KITLG: variants seen among roughly 807,000 people sequenced by gnomAD.
The protein encoded by KITLG is KIT ligand.
A neutral mutation model predicts 34.1 loss-of-function variants in KITLG; 13 were observed. The ratio of observed to expected loss-of-function variants is 0.38; its 90% confidence interval spans 0.25 to 0.61. The LOEUF (loss-of-function observed/expected upper bound fraction) is 0.61. KITLG is among the 20% of genes least tolerant of loss of function. The pLI, the probability that KITLG is intolerant of heterozygous loss-of-function variation, is 0.60. For synonymous variants in KITLG, 110 were observed against 104.0 expected (o/e 1.06, Z -0.35); for missense variants, 292 against 318.9 (o/e 0.92, Z 0.64).
At chr12:88,517,219 A>G (rs1869491789) in intron 4 of KITLG, among the ~76,000 whole-genome samples, 1 of 152,006 alleles carries the variant, frequency 6.6e-6, no homozygotes, top group Admixed American at 6.6e-5. Context: ...ACATCTTCTA[A>G]ACCTAAAGCT....
intron 3 of KITLG, among the ~76,000 whole-genome samples, chr12:88,525,977 T>C (rs1869848337): frequency 1.3e-5 from 2 of 152,146 alleles, no homozygotes. Flanking sequence ...CATGATTCTA[T>C]GGGTAGAATT....
chr12:88,563,533 C>T (rs1262150673), intron 1 of KITLG, among the ~76,000 whole-genome samples: 1 of 152,212 alleles, frequency 6.6e-6, no homozygotes, highest in Non-Finnish European at 1.5e-5. Context: ...TGCATCATCA[C>T]ATTTTCATGC....
chr12:88,502,766 C>A (rs972260822), intron 9 of KITLG, among the ~76,000 whole-genome samples: 11 of 152,120 alleles, frequency 7.2e-5, no homozygotes, highest in Non-Finnish European at 1.3e-4. Flanking sequence ...AAACAGGATC[C>A]CAGCAATGCA....
In KITLG at chr12:88,494,374, G is replaced by A. The variant is rs1868529661; in HGVS notation, c.*2845C>T. ...TATAACTTTAGTTGAATTAGAGTAG[G>A]AAAACGTGCCCCAAAGTTTCTCCAA... On this transcript the variant is annotated 3_prime_UTR_variant, in exon 10 of 10. Coordinates refer to ENST00000644744, the MANE Select transcript of KITLG (RefSeq NM_000899.5). 1 of 152,124 alleles carries A rather than the reference G, an allele frequency of 6.6e-6. No homozygotes were observed. Among genetic ancestry groups the A allele is most frequent in the South Asian group, 2.1e-4 (1 of 4,822 alleles). The allele number at this position is 152,124 out of a possible 1,614,324, so 9.4% of individuals were successfully genotyped here. A position where few individuals can be genotyped will look rare whatever the true frequency, so the allele number is the denominator to read the frequency against.
At chr12:88,514,714 A>T (rs1162863406) in intron 6 of KITLG, among the ~76,000 whole-genome samples, 1 of 151,642 alleles carries the variant, frequency 6.6e-6, no homozygotes, top group Non-Finnish European at 1.5e-5. Flanking sequence ...GAGTTTTTTT[A>T]AATGTTCTGC....
chr12:88,517,670 T>C, intron 4 of KITLG, among the ~76,000 whole-genome samples: 1 of 152,156 alleles, frequency 6.6e-6, no homozygotes, highest in East Asian at 1.9e-4. Flanking sequence ...GCACACTATA[T>C]GCAGTAGTAA....
chr12:88,542,885 T>C (rs1301648672), intron 2 of KITLG, among the ~76,000 whole-genome samples: 1 of 152,138 alleles, frequency 6.6e-6, no homozygotes, highest in African/African-American at 2.4e-5. Context: ...TTTGTATTAA[T>C]CTGGCATCCT....
intron 1 of KITLG, among the ~76,000 whole-genome samples, chr12:88,564,824 G>A (rs1024837151): frequency 3.9e-5 from 6 of 151,924 alleles, no homozygotes; most frequent in Non-Finnish European, 8.8e-5. Flanking sequence ...GCATCAAAGA[G>A]TATCCCCAAA....
chr12:88,562,225 A>C (rs2120957517), intron 1 of KITLG, among the ~76,000 whole-genome samples: 1 of 152,306 alleles, frequency 6.6e-6, no homozygotes, highest in Admixed American at 6.5e-5. Flanking sequence ...TCCTTCAATA[A>C]AATTCTCTTT....
chr12:88,519,256 G>A (rs986697047), intron 3 of KITLG, among the ~76,000 whole-genome samples: 2 of 152,144 alleles, frequency 1.3e-5, no homozygotes, highest in African/African-American at 4.8e-5. Context: ...GTGACAGGAG[G>A]AGGAGGGACT....
chr12:88,551,706 A>G (rs1178651770), intron 1 of KITLG, among the ~76,000 whole-genome samples: 1 of 149,636 alleles, frequency 6.7e-6, no homozygotes, highest in Non-Finnish European at 1.5e-5. Flanking sequence ...GATGATGAAC[A>G]CAACATGTGT....
chr12:88,551,533 C>A (rs924042609), intron 1 of KITLG, among the ~76,000 whole-genome samples: 1 of 152,174 alleles, frequency 6.6e-6, no homozygotes, highest in Non-Finnish European at 1.5e-5. Context: ...TTCCCTTCTC[C>A]AAGTGGTTCC....
Position 88,495,335 on chromosome 12 carries a change from T to G in KITLG, c.*1884A>C, listed in dbSNP as rs1868595202. Reference sequence around the variant, plus strand: ...CCTACACGCATAACTCATATTAATCTGTATCTATTTTCCTGAAAACAGTCA... The same window carrying G: ...CCTACACGCATAACTCATATTAATCGGTATCTATTTTCCTGAAAACAGTCA... On this transcript the variant is annotated 3_prime_UTR_variant, in exon 10 of 10. Transcript: ENST00000644744. The G allele has an allele frequency of 6.6e-6, 1 of 152,086 alleles. No homozygotes were observed. Among genetic ancestry groups the G allele is most frequent in the Non-Finnish European group, 1.5e-5 (1 of 67,966 alleles). 9.4% of individuals were successfully genotyped at this position (152,086 alleles called of 1,614,324 possible). A position where few individuals can be genotyped will look rare whatever the true frequency, so the allele number is the denominator to read the frequency against.
intron 2 of KITLG, among the ~76,000 whole-genome samples, chr12:88,543,705 A>G (rs1870603014): frequency 6.6e-6 from 1 of 152,174 alleles, no homozygotes; most frequent in African/African-American, 2.4e-5. Flanking sequence ...ATCACCATTA[A>G]AATTCCCAGA....
intron 4 of KITLG, 71 bp from the exon 5 acceptor site, chr12:88,516,561 T>C (rs1485115604): frequency 1.0e-6 from 1 of 957,228 alleles, no homozygotes; most frequent in East Asian, 2.5e-5. Flanking sequence ...TAATGGACTA[T>C]AAATATGTCT....
intron 1 of KITLG, among the ~76,000 whole-genome samples, chr12:88,553,342 G>A (rs150330592): frequency 7.9e-5 from 12 of 152,098 alleles, no homozygotes; most frequent in Admixed American, 2.0e-4. Context: ...GTGCACACAC[G>A]CTCACACACA....
At chr12:88,564,902 A>T (rs961769499) in intron 1 of KITLG, among the ~76,000 whole-genome samples, 6 of 152,216 alleles carry the variant, frequency 3.9e-5, no homozygotes, top group Non-Finnish European at 8.8e-5. Flanking sequence ...ATTGTAAAGC[A>T]GTAGTATTAC....
At chr12:88,497,653 A>G (rs531992918) in intron 9 of KITLG, among the ~76,000 whole-genome samples, 34 of 152,308 alleles carry the variant, frequency 2.2e-4, no homozygotes, top group South Asian at 6.2e-4. Flanking sequence ...GGTAGTAAAC[A>G]GGGGTGAAGG....
chr12:88,561,292 A>G (rs1056894690), intron 1 of KITLG, among the ~76,000 whole-genome samples: 1 of 152,174 alleles, frequency 6.6e-6, no homozygotes, highest in Non-Finnish European at 1.5e-5. Flanking sequence ...TGCTATGGCT[A>G]TTGTCATTGC....
Sources: allele counts gnomAD v4.1 joint callset (sites outside exome capture counted in the v4.1 genomes callset), GRCh38; gene constraint gnomAD v4.1.1; transcripts MANE v1.5; gene names NCBI Gene and HGNC (gene_info 2026-07-23, HGNC 2026-07-21).